Variants in CRACD observed in about 807,000 individuals in gnomAD.
CRACD encodes capping protein inhibiting regulator of actin dynamics, also known as capping protein-inhibiting regulator of actin dynamics.
CRACD carries 56 observed loss-of-function variants against 106.8 expected under a neutral mutation model. That is an observed-to-expected ratio of 0.52 (90% CI 0.42 to 0.66). The LOEUF is 0.66. CRACD is among the 30% of genes least tolerant of loss of function. The probability of loss-of-function intolerance (pLI) is 0.00; values close to 1 mark genes in which losing one functional copy is unlikely to be tolerated. For missense variants in CRACD, 1,730 were observed against 1,623.2 expected (o/e 1.07, Z -1.13); for synonymous variants, 754 against 670.8 (o/e 1.12, Z -1.92).
rs1740237776 is a variant in CRACD, at chr4:56,239,551, C to T, written c.-188-32770C>T. On this transcript the variant is annotated intron_variant, in intron 2 of 10. Coordinates refer to ENST00000682029, the MANE Select transcript of CRACD (RefSeq NM_001393381.1). ...GAATGATACAGAGAGCCATCAAAAC[C>T]TCCCTCTCCCCTAAGTTTAGCTGAA... 2.0e-5 allele frequency among the ~76,000 whole-genome samples: 3 copies of T among 152,020 alleles called. No individual in the cohort carries two copies. In the South Asian group the frequency reaches 6.3e-4, roughly 32 times the overall value.
At chr4:56,240,042 CT>C (rs11351941) in intron 2 of CRACD, among the ~76,000 whole-genome samples, 128,995 of 151,750 alleles carry the variant, frequency 0.85, 54,840 homozygotes, top group East Asian at 0.91. Flanking sequence ...TTCAATTATT[CT>C]TTTTTTTATT....
At chr4:56,195,271 G>C (rs1737550314) in intron 2 of CRACD, among the ~76,000 whole-genome samples, 1 of 152,074 alleles carries the variant, frequency 6.6e-6, no homozygotes, top group Non-Finnish European at 1.5e-5. Flanking sequence ...GTCAGAACAT[G>C]GCTATAAATA....
intron 1 of CRACD, among the ~76,000 whole-genome samples, chr4:56,057,967 C>T (rs753307372): frequency 8.5e-6 from 1 of 117,302 alleles, no homozygotes; most frequent in Non-Finnish European, 1.7e-5. Context: ...TACAGGCGCC[C>T]GCTACCACGC....
chr4:56,188,686 T>TCTCA (rs1553908658), intron 2 of CRACD, among the ~76,000 whole-genome samples: 7 of 92,208 alleles, frequency 7.6e-5, no homozygotes, highest in South Asian at 4.7e-4. Context: ...TCTCTCTCTC[T>TCTCA]CACACACACA....
intron 4 of CRACD, 50 bp downstream of exon 4, chr4:56,298,399 T>C (rs368258642): frequency 4.4e-5 from 71 of 1,602,698 alleles, no homozygotes; most frequent in South Asian, 3.5e-4. Context: ...GGCCCAGTTA[T>C]GAAGGGAAGT....
intron 1 of CRACD, among the ~76,000 whole-genome samples, chr4:56,081,961 C>T (rs1235879404): frequency 6.6e-6 from 1 of 151,838 alleles, no homozygotes; most frequent in East Asian, 1.9e-4. Flanking sequence ...AGTGACAGAG[C>T]CAGACTCCGT....
intron 2 of CRACD, among the ~76,000 whole-genome samples, chr4:56,228,913 A>G (rs187586808): frequency 1.4e-4 from 21 of 152,356 alleles, no homozygotes; most frequent in Admixed American, 1.4e-3. Flanking sequence ...CCTTGGAGTC[A>G]TCATATAAAA....
At chr4:56,071,506 TTTTC>T (rs1732645728) in intron 1 of CRACD, among the ~76,000 whole-genome samples, 2 of 121,472 alleles carry the variant, frequency 1.6e-5, no homozygotes, top group African/African-American at 8.6e-5. Context: ...TCTTTCTTTC[TTTTC>T]TTTTTTTTTT....
chr4:56,326,735 C>T (rs554114587), intron 10 of CRACD, among the ~76,000 whole-genome samples: 283 of 144,322 alleles, frequency 2.0e-3, no homozygotes, highest in African/African-American at 6.8e-3. Context: ...TTTGTGGGGA[C>T]GGTAGCTTTT....
At chr4:56,202,984 G>A (rs1189957769) in intron 2 of CRACD, among the ~76,000 whole-genome samples, 3 of 152,096 alleles carry the variant, frequency 2.0e-5, no homozygotes, top group Non-Finnish European at 4.4e-5. Flanking sequence ...TGAATTAGTT[G>A]AGGGGATATG....
chr4:56,194,537 T>C (rs1286949195), intron 2 of CRACD, among the ~76,000 whole-genome samples: 9 of 152,204 alleles, frequency 5.9e-5, no homozygotes, highest in Admixed American at 3.9e-4. Flanking sequence ...CTTAAGGTGA[T>C]AGTATTAGGA....
At chr4:56,160,555 C>T (rs1735916955) in intron 1 of CRACD, among the ~76,000 whole-genome samples, 1 of 152,176 alleles carries the variant, frequency 6.6e-6, no homozygotes, top group South Asian at 2.1e-4. Context: ...CTCCTGCCTG[C>T]AGAAGACAGA....
At chr4:56,117,214 G>A (rs1169118748) in intron 1 of CRACD, among the ~76,000 whole-genome samples, 1 of 151,752 alleles carries the variant, frequency 6.6e-6, no homozygotes, top group African/African-American at 2.4e-5. Flanking sequence ...GTAGAGACGG[G>A]GTTTCACCGT....
intron 2 of CRACD, among the ~76,000 whole-genome samples, chr4:56,266,587 C>G (rs1742034962): frequency 6.6e-6 from 1 of 152,212 alleles, no homozygotes; most frequent in African/African-American, 2.4e-5. Flanking sequence ...GAATATTTCC[C>G]ATTAGCATTG....
intron 1 of CRACD, among the ~76,000 whole-genome samples, chr4:56,104,211 A>T (rs1260922878): frequency 6.6e-6 from 1 of 152,120 alleles, no homozygotes. Context: ...AGCCTGAGCA[A>T]CATAGATAGA....
At chr4:56,133,006 A>AT (rs1286045485) in intron 1 of CRACD, among the ~76,000 whole-genome samples, 7 of 152,028 alleles carry the variant, frequency 4.6e-5, no homozygotes, top group East Asian at 1.9e-4. Context: ...TATCTGACCT[A>AT]TTTTTTTGCA....
At chr4:56,199,160 C>T (rs1160816539) in intron 2 of CRACD, among the ~76,000 whole-genome samples, 1 of 151,904 alleles carries the variant, frequency 6.6e-6, no homozygotes, top group Admixed American at 6.6e-5. Flanking sequence ...GTTACACTGC[C>T]GTGGAAGGAT....
intron 3 of CRACD, among the ~76,000 whole-genome samples, chr4:56,275,255 C>T (rs544270598): frequency 6.6e-6 from 1 of 152,162 alleles, no homozygotes; most frequent in Admixed American, 6.5e-5. Flanking sequence ...CAAACCTTCA[C>T]GTGTACCCCT....
At chr4:56,092,333 T>A (rs1733449398) in intron 1 of CRACD, among the ~76,000 whole-genome samples, 1 of 152,184 alleles carries the variant, frequency 6.6e-6, no homozygotes, top group African/African-American at 2.4e-5. Context: ...CGAGGAATAG[T>A]CCTTTTGCTT....
Sources: gnomAD v4.1 joint callset for allele counts (sites outside exome capture counted in the v4.1 genomes callset) on GRCh38, gnomAD v4.1.1 for gene constraint, MANE v1.5 for transcripts, NCBI Gene and HGNC (gene_info 2026-07-23, HGNC 2026-07-21) for gene names.